Variants in PDGFRL observed in about 807,000 individuals in gnomAD.
PDGFRL encodes the protein platelet-derived growth factor receptor-like protein.
A neutral mutation model predicts 37.2 loss-of-function variants in PDGFRL; 46 were observed. That is an observed-to-expected ratio of 1.24 (90% CI 0.98 to 1.58). PDGFRL has a LOEUF of 1.58. Among genes scored for constraint, PDGFRL ranks in the 40% most tolerant of loss-of-function variants. PDGFRL has a pLI of 0.00. For missense variants in PDGFRL, 692 were observed against 467.6 expected (o/e 1.48, Z -4.43); for synonymous variants, 251 against 184.3 (o/e 1.36, Z -2.93).
chr8:17,620,435 G>A (rs1168370739), intron 2 of PDGFRL, among the ~76,000 whole-genome samples: 1 of 152,172 alleles, frequency 6.6e-6, no homozygotes, highest in African/African-American at 2.4e-5. Flanking sequence ...AAAAGATACA[G>A]GGTGGCCATT....
intron 4 of PDGFRL, among the ~76,000 whole-genome samples, chr8:17,633,236 T>C (rs2427719): frequency 0.92 from 139,879 of 152,228 alleles, 64,297 homozygotes; most frequent in East Asian, 0.96. Flanking sequence ...GCAGATCAGC[T>C]TGGGCAACAT....
rs532262860 is a variant in PDGFRL, at chr8:17,606,539, T to C, written c.354-14512T>C. Among the ~76,000 whole-genome samples, 27 of 152,270 alleles carry C rather than the reference T, an allele frequency of 1.8e-4. No homozygotes were observed. The South Asian group carries it at 4.6e-3, about 26-fold the overall frequency. On this transcript the variant is annotated intron_variant, in intron 2 of 5. Transcript: ENST00000251630. Reference sequence around the variant, plus strand: ...TAGGTGACCTAACCAATGCTGAAGGTAGAGCGTTCTCTTTCCAGACTCACT... The same window carrying C: ...TAGGTGACCTAACCAATGCTGAAGGCAGAGCGTTCTCTTTCCAGACTCACT...
chr8:17,612,172 C>T (rs562944389), intron 2 of PDGFRL, among the ~76,000 whole-genome samples: 1 of 152,264 alleles, frequency 6.6e-6, no homozygotes, highest in Admixed American at 6.5e-5. Flanking sequence ...GTGGCCCTGC[C>T]TGTTGGAAAT....
At position 17,609,666 on chromosome 8, in the gene PDGFRL, TAAG is replaced by T. The variant is rs797011030; in HGVS notation, c.354-11383_354-11381del. 7.4e-3 allele frequency among the ~76,000 whole-genome samples: 303 copies of T among 40,926 alleles called. 8 individuals carry two copies. Among genetic ancestry groups the T allele is most frequent in the African/African-American group, 0.027 (288 of 10,840 alleles). 26.8% of individuals were successfully genotyped at this position (40,926 alleles called of 152,430 possible). A position where few individuals can be genotyped will look rare whatever the true frequency, so the allele number is the denominator to read the frequency against. On this transcript the variant is annotated intron_variant, in intron 2 of 5. Transcript: ENST00000251630. Reference sequence around the variant, plus strand: ...AAAAAAAAAAAAAAAAAAAAAAAAATAAGAGCCAAAGAGAACAGCATCAAACCT... The same window carrying T: ...AAAAAAAAAAAAAAAAAAAAAAAAATAGCCAAAGAGAACAGCATCAAACCT...
At chr8:17,576,773 G>A (rs188043737), upstream of PDGFRL, 6 of 732,618 alleles carry the variant, frequency 8.2e-6, no homozygotes, top group Non-Finnish European at 1.0e-5. Context: ...GAGTGCATGT[G>A]GGGGAGAGAA....
intron 4 of PDGFRL, among the ~76,000 whole-genome samples, chr8:17,632,122 G>A (rs73200105): frequency 0.03 from 4,529 of 152,236 alleles, 113 homozygotes; most frequent in South Asian, 0.061. Flanking sequence ...CTTCACCCAC[G>A]GGTCAGGCCT....
At chr8:17,611,175 G>C (rs2517208) in intron 2 of PDGFRL, among the ~76,000 whole-genome samples, 27,709 of 152,090 alleles carry the variant, frequency 0.18, 2,782 homozygotes, top group Non-Finnish European at 0.2. Flanking sequence ...GGATGAGTCA[G>C]TTCATCTCTG....
At chr8:17,631,834 G>C (rs1265321294) in intron 4 of PDGFRL, among the ~76,000 whole-genome samples, 1 of 152,128 alleles carries the variant, frequency 6.6e-6, no homozygotes, top group Non-Finnish European at 1.5e-5. Flanking sequence ...TCAGCTCTTA[G>C]CCTTCTATCA....
chr8:17,596,853 C>G (rs1804063769), intron 2 of PDGFRL, among the ~76,000 whole-genome samples: 1 of 152,208 alleles, frequency 6.6e-6, no homozygotes, highest in South Asian at 2.1e-4. Flanking sequence ...ACCAGAGATT[C>G]AAGAAACGGA....
At chr8:17,614,873 A>G (rs1455447805) in intron 2 of PDGFRL, among the ~76,000 whole-genome samples, 1 of 152,120 alleles carries the variant, frequency 6.6e-6, no homozygotes, top group Admixed American at 6.6e-5. Context: ...CTGAGCTTCA[A>G]ATTCTTCTCT....
At chr8:17,606,508 G>C (rs948732473) in intron 2 of PDGFRL, among the ~76,000 whole-genome samples, 11 of 152,146 alleles carry the variant, frequency 7.2e-5, no homozygotes, top group Admixed American at 7.2e-4. Context: ...CCCCAGAAAT[G>C]ACAAATAGGT....
At chr8:17,630,023 G>A (rs1804829795) in intron 4 of PDGFRL, among the ~76,000 whole-genome samples, 1 of 152,128 alleles carries the variant, frequency 6.6e-6, no homozygotes, top group Non-Finnish European at 1.5e-5. Context: ...CACCCCGGAT[G>A]AACACAACTA....
In PDGFRL at chr8:17,584,550, T is replaced by A. The variant is rs898939971; in HGVS notation, c.56-4918T>A. On this transcript the variant is annotated intron_variant, in intron 1 of 5. Coordinates refer to ENST00000251630, the MANE Select transcript of PDGFRL (RefSeq NM_001372073.1). ...GGAAGAGCTGCCACAGACTGAAGAG[T>A]TGTCAGTGACACAGGAGGAAAACCA... 2.7e-5 allele frequency among the ~76,000 whole-genome samples: 4 copies of A among 150,688 alleles called. No individual in the cohort carries two copies. In the East Asian group the frequency reaches 5.9e-4, roughly 22 times the overall value.
intron 1 of PDGFRL, among the ~76,000 whole-genome samples, chr8:17,579,651 C>G (rs1047404353): frequency 6.6e-6 from 1 of 151,772 alleles, no homozygotes; most frequent in Non-Finnish European, 1.5e-5. Context: ...ACTGCGACTT[C>G]CACTTGTGCT....
intron 2 of PDGFRL, among the ~76,000 whole-genome samples, chr8:17,592,333 C>A (rs963897044): frequency 6.6e-6 from 1 of 152,160 alleles, no homozygotes; most frequent in African/African-American, 2.4e-5. Context: ...AGTCACTGTC[C>A]CCTGTCTGAG....
intron 3 of PDGFRL, among the ~76,000 whole-genome samples, chr8:17,625,892 G>A (rs1462016607): frequency 9.2e-5 from 14 of 152,174 alleles, no homozygotes; most frequent in Admixed American, 9.2e-4. Context: ...CTACTCAGGA[G>A]GCTGAGGTGG....
intron 1 of PDGFRL, among the ~76,000 whole-genome samples, chr8:17,583,036 A>G (rs1210515988): frequency 6.6e-6 from 1 of 152,178 alleles, no homozygotes; most frequent in African/African-American, 2.4e-5. Flanking sequence ...CAGAACAGAG[A>G]GGTTGCTCCA....
intron 2 of PDGFRL, among the ~76,000 whole-genome samples, chr8:17,611,218 G>A (rs1804405049): frequency 6.6e-6 from 1 of 152,140 alleles, no homozygotes; most frequent in African/African-American, 2.4e-5. Flanking sequence ...TGATCTTTAA[G>A]GTCCCTCTCA....
At chr8:17,591,180 C>A (rs1366853505) in intron 2 of PDGFRL, among the ~76,000 whole-genome samples, 1 of 152,202 alleles carries the variant, frequency 6.6e-6, no homozygotes, top group Admixed American at 6.5e-5. Context: ...CCGCGCCTGG[C>A]TGCTTCTGAT....
Sources: allele counts gnomAD v4.1 joint callset (sites outside exome capture counted in the v4.1 genomes callset), GRCh38; gene constraint gnomAD v4.1.1; transcripts MANE v1.5; gene names NCBI Gene and HGNC (gene_info 2026-07-23, HGNC 2026-07-21).